The following SMNDC1 variants were observed in gnomAD, a reference collection of about 807,000 sequenced individuals.
SMNDC1 encodes the protein survival motor neuron domain containing 1.
In SMNDC1, 5 loss-of-function variants were observed where a neutral mutation model predicts 29.2. That is an observed-to-expected ratio of 0.17 (90% CI 0.09 to 0.36). SMNDC1 has a LOEUF of 0.36. SMNDC1 is among the 10% of genes least tolerant of loss of function. The pLI is 1.00. For synonymous variants in SMNDC1, 80 were observed against 89.9 expected (o/e 0.89, Z 0.62); for missense variants, 142 against 268.5 (o/e 0.53, Z 3.29).
Position 110,293,767 on chromosome 10 carries a change from T to TC in SMNDC1, c.*382dup, listed in dbSNP as rs1463438306. The TC allele has an allele frequency of 1.9e-5, 3 of 154,552 alleles. No homozygotes were observed. Among genetic ancestry groups the TC allele is most frequent in the Non-Finnish European group, 4.3e-5 (3 of 69,746 alleles). 9.6% of individuals were successfully genotyped at this position (154,552 alleles called of 1,614,324 possible). The stretch of plus-strand genomic sequence containing the variant: ...CAGGTTGGTGTTTTTGCCTTGGTGT[T>TC]CCAATGAATTGCTAGAGTATGTGTC... On this transcript the variant is annotated 3_prime_UTR_variant, in exon 6 of 6. Transcript: ENST00000369603.
At chr10:110,296,329 C>T (rs1857562111) in intron 4 of SMNDC1, among the ~76,000 whole-genome samples, 1 of 152,070 alleles carries the variant, frequency 6.6e-6, no homozygotes, top group South Asian at 2.1e-4. Flanking sequence ...TCTAGACTCC[C>T]CGGTACCATA....
At chr10:110,295,457 G>T in intron 4 of SMNDC1, 76 bp from the exon 5 acceptor site, 2 of 1,155,870 alleles carry the variant, frequency 1.7e-6, no homozygotes, top group Non-Finnish European at 2.3e-6. Context: ...CACCGGCAGT[G>T]CAAAAAAAAA....
chr10:110,292,580 T>G lies in SMNDC1; in HGVS notation c.*1570A>C, dbSNP rs1275396773. 1 of 152,202 alleles carries G rather than the reference T, an allele frequency of 6.6e-6. No individual in the cohort carries two copies. The allele number at this position is 152,202 out of a possible 1,614,324, so 9.4% of individuals were successfully genotyped here. On this transcript the variant is annotated 3_prime_UTR_variant, in exon 6 of 6. Coordinates refer to ENST00000369603, the MANE Select transcript of SMNDC1 (RefSeq NM_005871.4). Reference sequence around the variant, plus strand: ...CTTAAGATGTTACAATAACAAAGTATATTTTATTTAGAAGTTTACAGGCTT... The same window carrying G: ...CTTAAGATGTTACAATAACAAAGTAGATTTTATTTAGAAGTTTACAGGCTT...
rs1295949054 is a variant in SMNDC1 at position 110,293,780 on chromosome 10, T to TAA, written c.*369_*370insTT. On this transcript the variant is annotated 3_prime_UTR_variant, in exon 6 of 6. Transcript: ENST00000369603. ...TTGCCTTGGTGTTCCAATGAATTGC[T>TAA]AGAGTATGTGTCAAGTTCAAAGCAT... is the stretch of plus-strand genomic sequence containing the variant. The TAA allele has an allele frequency of 6.4e-6, 1 of 156,048 alleles. No individual in the cohort carries two copies. The highest frequency in any genetic ancestry group is 2.4e-5 in the African/African-American group (1 of 41,658). 9.7% of individuals were successfully genotyped at this position (156,048 alleles called of 1,614,324 possible).
Position 110,294,197 on chromosome 10 carries a change from A to T in SMNDC1, c.670T>A (p.Tyr224Asn). 6.2e-7 allele frequency: 1 copy of T among 1,604,300 alleles called. No individual in the cohort carries two copies. The highest frequency in any genetic ancestry group is 8.5e-7 in the Non-Finnish European group (1 of 1,175,970). ...ACATTGTATTTAGAGGTATCTTGATATTGTGTCATAGGTTTATCAGCAATT... is the reference window on the plus strand; with the variant it reads ...ACATTGTATTTAGAGGTATCTTGATTTTGTGTCATAGGTTTATCAGCAATT... ...CGIADKPMTQYQDTSKYNVRH... is the reference protein window; with the variant it reads ...CGIADKPMTQNQDTSKYNVRH... Residue 224 changes from tyrosine (Y) to asparagine (N), a missense_variant, in exon 6 of 6, where the codon TAT becomes AAT. Physicochemically the swap from Tyr to Asn is moderately radical, Grantham distance 143. Around this residue, in one of 4 missense-constraint regions of SMNDC1, gnomAD observed 54 missense variants for 152.1 expected, o/e 0.36. Coordinates refer to ENST00000369603, the MANE Select transcript of SMNDC1 (RefSeq NM_005871.4).
At position 110,304,908 on chromosome 10, in the gene SMNDC1, G is replaced by A. The variant is rs1008525231; in HGVS notation, c.-161C>T. 13 of 152,416 alleles carry A rather than the reference G, an allele frequency of 8.5e-5. No homozygotes were observed. The highest frequency in any genetic ancestry group is 1.5e-5 in the Non-Finnish European group (1 of 68,174). 9.4% of individuals were successfully genotyped at this position (152,416 alleles called of 1,614,324 possible). A position where few individuals can be genotyped will look rare whatever the true frequency, so the allele number is the denominator to read the frequency against. ...GGAAGAACTCGGTCGGCGGCGAGGG[G>A]GAAGGGAGGAACGCCGGGCACTGGA... On this transcript the variant is annotated 5_prime_UTR_variant, in exon 1 of 6. Coordinates refer to ENST00000369603, the MANE Select transcript of SMNDC1 (RefSeq NM_005871.4).
At position 110,303,526 on chromosome 10, in the gene SMNDC1, G is replaced by A; in HGVS notation, c.62C>T (p.Ala21Val). The change falls in exon 2 of 6, where the codon GCT becomes GTT. Residue 21 changes from alanine to valine, a missense_variant. Physicochemically the swap from Ala to Val is moderately conservative, Grantham distance 64. Around this residue, in one of 4 missense-constraint regions of SMNDC1, gnomAD observed 20 missense variants for 21.4 expected, o/e 0.93. Transcript: ENST00000369603. ...SYKAQLQQVE[A>V]ALSGNGENED... ...ATTTTCTCCATTTCCAGATAATGCA[G>A]CTTCAACTTGCTGGAGCTGAGCTTT... 1.3e-6 allele frequency: 2 copies of A among 1,580,394 alleles called. No individual in the cohort carries two copies. The highest frequency in any genetic ancestry group is 1.7e-6 in the Non-Finnish European group (2 of 1,167,278).
Position 110,291,240 on chromosome 10 carries a change from G to A in SMNDC1, c.*2910C>T, listed in dbSNP as rs1412913445. ...ATACCTTGGCCTGGATAAGTCTAAG[G>A]TTGGTCCCAGGCCCACAAATTCCTC... On this transcript the variant is annotated 3_prime_UTR_variant, in exon 6 of 6. Transcript: ENST00000369603. 6.6e-6 allele frequency: 1 copy of A among 152,154 alleles called. No individual in the cohort carries two copies. Among genetic ancestry groups the A allele is most frequent in the African/African-American group, 2.4e-5 (1 of 41,404 alleles). The allele number at this position is 152,154 out of a possible 1,614,324, so 9.4% of individuals were successfully genotyped here.
Position 110,292,702 on chromosome 10 carries a change from T to TTGAG in SMNDC1, c.*1444_*1447dup, listed in dbSNP as rs1303792825. 6.6e-6 allele frequency: 1 copy of TTGAG among 152,102 alleles called. No homozygotes were observed. The highest frequency in any genetic ancestry group is 2.4e-5 in the African/African-American group (1 of 41,418). 9.4% of individuals were successfully genotyped at this position (152,102 alleles called of 1,614,324 possible). A position where few individuals can be genotyped will look rare whatever the true frequency, so the allele number is the denominator to read the frequency against. ...ATGAAGAAAAAGTGACCCTCCTGGG[T>TTGAG]TGAGAGGGGTGGGTGTGGAAGGGAG... On this transcript the variant is annotated 3_prime_UTR_variant, in exon 6 of 6. Transcript: ENST00000369603.
Position 110,297,647 on chromosome 10 carries a change from T to C in SMNDC1, c.345A>G (p.Glu115=), listed in dbSNP as rs751997558. Residue 115 remains glutamate (E), a synonymous_variant, in exon 4 of 6, where the codon GAA becomes GAG. Transcript: ENST00000369603. ...GCTTGAGGTTCAACAGTGGAGTCAC[T>C]TCAGCATTGCCATAACCAGCAAAGG... ...AITFAGYGNA[E]VTPLLNLKPV... 1.9e-6 allele frequency: 3 copies of C among 1,614,030 alleles called. No individual in the cohort carries two copies. The Admixed American group carries it at 5.0e-5, about 27-fold the overall frequency.
At chr10:110,303,875 A>G in intron 1 of SMNDC1, 1 of 312,074 alleles carries the variant, frequency 3.2e-6, no homozygotes, top group South Asian at 5.4e-5. Flanking sequence ...TCCACAGGGT[A>G]GGTGCTGAAT....
At chr10:110,303,427 TG>T (rs763254084) in intron 2 of SMNDC1, 40 bp downstream of exon 2, 1 of 1,532,310 alleles carries the variant, frequency 6.5e-7, no homozygotes, top group South Asian at 1.3e-5. Flanking sequence ...AGCAATAATT[TG>T]AAAAACAGAG....
Position 110,303,666 on chromosome 10 carries a change from T to G in SMNDC1, c.1-79A>C, listed in dbSNP as rs1821920164. 52 of 1,442,224 alleles carry G rather than the reference T, an allele frequency of 3.6e-5. 1 individual carries two copies. The South Asian group carries it at 6.9e-4, about 19-fold the overall frequency. 89.3% of individuals were successfully genotyped at this position (1,442,224 alleles called of 1,614,324 possible). On this transcript the variant is annotated intron_variant, in intron 1 of 5. Coordinates refer to ENST00000369603, the MANE Select transcript of SMNDC1 (RefSeq NM_005871.4). ...TAAAAAACTAACTCCCCTGTCTGCC[T>G]GAATTACCAGTTTTTGCCTCTAACT...
intron 1 of SMNDC1, chr10:110,304,308 C>T (rs2134506459): frequency 6.6e-6 from 1 of 152,392 alleles, no homozygotes; most frequent in African/African-American, 2.4e-5. Context: ...TCGTAAAATT[C>T]CCGTCCAACC....
rs984642431 is a variant in SMNDC1 at position 110,293,165 on chromosome 10, C to T, written c.*985G>A. 2.6e-5 allele frequency: 4 copies of T among 152,618 alleles called. No homozygotes were observed. The highest frequency in any genetic ancestry group is 6.5e-5 in the Admixed American group (1 of 15,276). The allele number at this position is 152,618 out of a possible 1,614,324, so 9.5% of individuals were successfully genotyped here. ...TTTCTATGCATGTATTTGGCTTAAA[C>T]TCAACTCAGGATAACTGTGATGATG... On this transcript the variant is annotated 3_prime_UTR_variant, in exon 6 of 6. Coordinates refer to ENST00000369603, the MANE Select transcript of SMNDC1 (RefSeq NM_005871.4).
chr10:110,294,084 G>GA lies in SMNDC1; in HGVS notation c.*65dup. 1.5e-6 allele frequency: 2 copies of GA among 1,290,786 alleles called. No homozygotes were observed. The highest frequency in any genetic ancestry group is 1.8e-5 in the South Asian group (1 of 56,606). The allele number at this position is 1,290,786 out of a possible 1,614,324, so 80.0% of individuals were successfully genotyped here. On this transcript the variant is annotated 3_prime_UTR_variant, in exon 6 of 6. Coordinates refer to ENST00000369603, the MANE Select transcript of SMNDC1 (RefSeq NM_005871.4). ...TCATCTAACAAATAATTTACCTTTA[G>GA]AAAAATATAAGGATAAAAAGGTAAA...
At position 110,291,390 on chromosome 10, in the gene SMNDC1, A is replaced by T. The variant is rs1488345660; in HGVS notation, c.*2760T>A. 1.3e-5 allele frequency: 2 copies of T among 152,194 alleles called. No individual in the cohort carries two copies. The highest frequency in any genetic ancestry group is 4.8e-5 in the African/African-American group (2 of 41,452). The allele number at this position is 152,194 out of a possible 1,614,324, so 9.4% of individuals were successfully genotyped here. A position where few individuals can be genotyped will look rare whatever the true frequency, so the allele number is the denominator to read the frequency against. On this transcript the variant is annotated 3_prime_UTR_variant, in exon 6 of 6. Transcript: ENST00000369603. Reference sequence around the variant, plus strand: ...ACTAGGAATACTAAATATACCCTACAGCCTTGGTAATTTGATAACACTTCA... The same window carrying T: ...ACTAGGAATACTAAATATACCCTACTGCCTTGGTAATTTGATAACACTTCA...
chr10:110,299,558 A>G (rs2134502379), intron 2 of SMNDC1, among the ~76,000 whole-genome samples: 1 of 152,324 alleles, frequency 6.6e-6, no homozygotes, highest in Non-Finnish European at 1.5e-5. Flanking sequence ...TAAAAAATTG[A>G]GAACAGTACA....
chr10:110,295,597 G>C (rs1393026073), intron 4 of SMNDC1, among the ~76,000 whole-genome samples: 1 of 150,406 alleles, frequency 6.6e-6, no homozygotes, highest in Non-Finnish European at 1.5e-5. Flanking sequence ...AAACATAACT[G>C]TAATCTATTT....
Sources: allele counts gnomAD v4.1 joint callset (sites outside exome capture counted in the v4.1 genomes callset), GRCh38; gene constraint gnomAD v4.1.1; regional missense constraint gnomAD v4.1.1; transcripts MANE v1.5; gene names NCBI Gene and HGNC (gene_info 2026-07-23, HGNC 2026-07-21).